CFAP161: variants seen among roughly 807,000 people sequenced by gnomAD.
CFAP161 encodes cilia and flagella associated protein 161, also known as cilia- and flagella-associated protein 161.
CFAP161 carries 25 observed loss-of-function variants against 29.0 expected under a neutral mutation model. The observed-to-expected ratio is 0.86, with a 90% CI of 0.63 to 1.20. The LOEUF (loss-of-function observed/expected upper bound fraction) is 1.20, where lower values mean the gene tolerates loss of function less well. Among genes scored for constraint, CFAP161 ranks in the 50% most tolerant of loss-of-function variants. The pLI, the probability that CFAP161 is intolerant of heterozygous loss-of-function variation, is 0.00. For synonymous variants in CFAP161, 116 were observed against 137.4 expected (o/e 0.84, Z 1.09); for missense variants, 367 against 371.9 (o/e 0.99, Z 0.11).
chr15:81,131,200 G>A (rs557808787), upstream of CFAP161, among the ~76,000 whole-genome samples: 1 of 147,354 alleles, frequency 6.8e-6, no homozygotes, highest in African/African-American at 2.5e-5. Flanking sequence ...GCAATAAAAT[G>A]ATGTATTCCT....
rs78657016 is a variant in CFAP161 at position 81,134,296 on chromosome 15, G to A, written c.-34G>A. The A allele has an allele frequency of 0.013, 19,846 of 1,566,964 alleles. 1,755 individuals are homozygous for A. In the African/African-American group the frequency reaches 0.21, roughly 17 times the overall value. ...ACGCGCCACGCTAACGCATGGTGTC[G>A]GAGGGAGGCCCACTTGCTGAACAGC... On this transcript the variant is annotated 5_prime_UTR_variant, in exon 1 of 7. Transcript: ENST00000286732.
upstream of CFAP161, among the ~76,000 whole-genome samples, chr15:81,130,701 A>G (rs192271498): frequency 2.6e-5 from 4 of 152,310 alleles, no homozygotes; most frequent in East Asian, 7.7e-4. Context: ...CTCCATCTCA[A>G]AAACAAAAAC....
At chr15:81,108,903 G>T (rs917671162) in intron 1 of CFAP161, among the ~76,000 whole-genome samples, 1 of 152,064 alleles carries the variant, frequency 6.6e-6, no homozygotes, top group Non-Finnish European at 1.5e-5. Flanking sequence ...GAAGAAAAAA[G>T]GGTTTCCTTT....
upstream of CFAP161, among the ~76,000 whole-genome samples, chr15:81,130,568 C>T (rs1457924653): frequency 6.6e-6 from 1 of 152,196 alleles, no homozygotes; most frequent in Non-Finnish European, 1.5e-5. Flanking sequence ...GGTGTGGTGG[C>T]ATGCGCCTGT....
Position 81,138,047 on chromosome 15 carries a change from A to C in CFAP161, c.393-4A>C. 1 of 1,586,738 alleles carries C rather than the reference A, an allele frequency of 6.3e-7. No homozygotes were observed. The highest frequency in any genetic ancestry group is 8.7e-7 in the Non-Finnish European group (1 of 1,155,246). ...TTTACATTATACTTATTGTCCACTGACAGTGTACACAGAGATGCCACTGGT... is the reference window on the plus strand; with the variant it reads ...TTTACATTATACTTATTGTCCACTGCCAGTGTACACAGAGATGCCACTGGT... On this transcript the variant is annotated splice_region_variant and splice_polypyrimidine_tract_variant and intron_variant, in intron 3 of 6. Coordinates refer to ENST00000286732, the MANE Select transcript of CFAP161 (RefSeq NM_173528.4).
rs1895052400 is a variant in CFAP161, at chr15:81,148,617, C to T, written c.*84C>T. Reference sequence around the variant, plus strand: ...GAAATTAACAACCTTGGTCATGCCTCAAGCTATTTTTGAATCAGATGTGGG... The same window carrying T: ...GAAATTAACAACCTTGGTCATGCCTTAAGCTATTTTTGAATCAGATGTGGG... On this transcript the variant is annotated 3_prime_UTR_variant, in exon 7 of 7. Transcript: ENST00000286732. 3.0e-6 allele frequency: 4 copies of T among 1,349,028 alleles called. No individual in the cohort carries two copies. In the Admixed American group the frequency reaches 8.7e-5, roughly 29 times the overall value. 83.6% of individuals were successfully genotyped at this position (1,349,028 alleles called of 1,614,324 possible). A position where few individuals can be genotyped will look rare whatever the true frequency, so the allele number is the denominator to read the frequency against.
Position 81,134,307 on chromosome 15 carries a change from C to T in CFAP161, c.-23C>T, listed in dbSNP as rs1356642085. 5.7e-6 allele frequency: 9 copies of T among 1,574,350 alleles called. No individual in the cohort carries two copies. The highest frequency in any genetic ancestry group is 3.5e-5 in the South Asian group (3 of 85,592). On this transcript the variant is annotated 5_prime_UTR_variant, in exon 1 of 7. Transcript: ENST00000286732. The stretch of plus-strand genomic sequence containing the variant: ...TAACGCATGGTGTCGGAGGGAGGCC[C>T]ACTTGCTGAACAGCAGGGAGCGATG...
chr15:81,120,596 C>T (rs183326579), intron 1 of CFAP161, among the ~76,000 whole-genome samples: 2 of 152,186 alleles, frequency 1.3e-5, no homozygotes, highest in East Asian at 1.9e-4. Context: ...AGTGAGACCT[C>T]GTCTCCACAC....
chr15:81,143,715 G>T lies in CFAP161; in HGVS notation c.531G>T (p.Trp177Cys). 2 of 1,614,034 alleles carry T rather than the reference G, an allele frequency of 1.2e-6. No individual in the cohort carries two copies. The highest frequency in any genetic ancestry group is 1.7e-6 in the Non-Finnish European group (2 of 1,180,006). The change falls in exon 5 of 7, where the codon TGG (tryptophan) becomes TGT (cysteine). Residue 177 changes from tryptophan to cysteine, a missense_variant. Physicochemically the swap from Trp to Cys is radical, Grantham distance 215. Coordinates refer to ENST00000286732, the MANE Select transcript of CFAP161 (RefSeq NM_173528.4). ...RTLLKSSKRS[W>C]LQEVYLTDEV... ...TCCTGAAATCGTCTAAGAGGTCTTG[G>T]CTCCAGGAAGTGTACCTAACAGATG...
intron 1 of CFAP161, among the ~76,000 whole-genome samples, chr15:81,111,558 C>T (rs1398850338): frequency 6.6e-6 from 1 of 152,208 alleles, no homozygotes; most frequent in Admixed American, 6.5e-5. Context: ...ACTCTCTGTC[C>T]CTTGTCAATT....
chr15:81,126,971 A>G lies in CFAP161; in HGVS notation c.-141-619A>G, dbSNP rs148268381. Among the ~76,000 whole-genome samples the G allele has an allele frequency of 3.9e-4, 60 of 152,336 alleles. No individual in the cohort carries two copies. In the East Asian group the frequency reaches 0.011, roughly 27 times the overall value. On this transcript the variant is annotated intron_variant, in intron 1 of 4. Transcript: ENST00000560091. ...ATGTAAGACTCTCCATTTTAACTCT[A>G]TATTTGCAGGTTTTTTGAATAAAGA... is the stretch of plus-strand genomic sequence containing the variant.
At chr15:81,117,816 C>T in intron 1 of CFAP161, 1 of 327,604 alleles carries the variant, frequency 3.1e-6, no homozygotes. Context: ...CTTCATCTTC[C>T]TCTTCATCCA....
chr15:81,127,576 C>CT (rs1156510778), intron 1 of CFAP161: 1 of 151,974 alleles, frequency 6.6e-6, no homozygotes, highest in African/African-American at 2.4e-5. Context: ...TATGTTTTTT[C>CT]TTTTTTTATT....
chr15:81,117,571 T>C lies in CFAP161; in HGVS notation c.-141-10019T>C, dbSNP rs1307883703. On this transcript the variant is annotated intron_variant, in intron 1 of 4. Transcript: ENST00000560091. ...TTTTTTTTTTTTTTTTTTAAACAGC[T>C]ACCAAATCCATGAATAGTCCAAACA... is the stretch of plus-strand genomic sequence containing the variant. The C allele has an allele frequency of 1.9e-5, 3 of 156,344 alleles. No individual in the cohort carries two copies. The Admixed American group carries it at 2.0e-4, about 10-fold the overall frequency. The allele number at this position is 156,344 out of a possible 1,614,324, so 9.7% of individuals were successfully genotyped here. A position where few individuals can be genotyped will look rare whatever the true frequency, so the allele number is the denominator to read the frequency against.
chr15:81,114,090 A>G (rs1329938944), intron 1 of CFAP161, among the ~76,000 whole-genome samples: 1 of 152,234 alleles, frequency 6.6e-6, no homozygotes, highest in African/African-American at 2.4e-5. Flanking sequence ...CAAACAAGCA[A>G]ACAAAAACAA....
upstream of CFAP161, among the ~76,000 whole-genome samples, chr15:81,130,244 T>C (rs112041482): frequency 2.1e-3 from 319 of 152,344 alleles, 3 homozygotes; most frequent in African/African-American, 7.2e-3. Context: ...ACAGGCTGTT[T>C]TACTTTCTTA....
At chr15:81,100,779 C>G (rs1894295365) in intron 1 of CFAP161, among the ~76,000 whole-genome samples, 1 of 151,538 alleles carries the variant, frequency 6.6e-6, no homozygotes, top group African/African-American at 2.4e-5. Context: ...TTCAGGCAAT[C>G]CTCCTGCCTT....
chr15:81,117,363 C>A (rs1894511656), intron 1 of CFAP161, among the ~76,000 whole-genome samples: 1 of 152,046 alleles, frequency 6.6e-6, no homozygotes, highest in African/African-American at 2.4e-5. Flanking sequence ...TCACAGCTAT[C>A]CACGCTACAG....
At chr15:81,141,181 C>T (rs559292747) in intron 4 of CFAP161, among the ~76,000 whole-genome samples, 1 of 152,262 alleles carries the variant, frequency 6.6e-6, no homozygotes, top group Admixed American at 6.5e-5. Context: ...AGATGTCTCT[C>T]CATTTATTCT....
Sources: gnomAD v4.1 joint callset for allele counts (sites outside exome capture counted in the v4.1 genomes callset) on GRCh38, gnomAD v4.1.1 for gene constraint, MANE v1.5 for transcripts, NCBI Gene and HGNC (gene_info 2026-07-23, HGNC 2026-07-21) for gene names.